The following ADGRD1 variants were observed in gnomAD, a reference collection of about 807,000 sequenced individuals.
The protein encoded by ADGRD1 is G-protein coupled receptor 133.
ADGRD1 carries 77 observed loss-of-function variants against 113.4 expected under a neutral mutation model. That is an observed-to-expected ratio of 0.68 (90% CI 0.57 to 0.82). The LOEUF (loss-of-function observed/expected upper bound fraction) is 0.82, where lower values mean the gene tolerates loss of function less well. Ranked by LOEUF, ADGRD1 falls within the 40% of genes least tolerant of loss-of-function variation. ADGRD1 has a pLI of 0.00. For synonymous variants in ADGRD1, 474 were observed against 475.0 expected (o/e 1.00, Z 0.03); for missense variants, 1,036 against 1,139.1 (o/e 0.91, Z 1.30).
chr12:131,133,350 A>G (rs1349484590), intron 21 of ADGRD1, among the ~76,000 whole-genome samples: 1 of 151,568 alleles, frequency 6.6e-6, no homozygotes, highest in Non-Finnish European at 1.5e-5. Context: ...TTCCATCTCT[A>G]CCCCACTGCG....
intron 15 of ADGRD1, among the ~76,000 whole-genome samples, chr12:131,101,110 C>G (rs1021862621): frequency 1.4e-4 from 22 of 152,072 alleles, no homozygotes; most frequent in Admixed American, 2.6e-4. Flanking sequence ...GACGATGCCC[C>G]ATGAAATGCA....
At chr12:131,044,433 C>T (rs545024709) in intron 13 of ADGRD1, among the ~76,000 whole-genome samples, 18 of 152,264 alleles carry the variant, frequency 1.2e-4, no homozygotes, top group African/African-American at 3.1e-4. Context: ...CTGAGGGGAC[C>T]GGTCCTGGGT....
chr12:131,039,827 T>G (rs183243386), intron 13 of ADGRD1, among the ~76,000 whole-genome samples: 9 of 152,350 alleles, frequency 5.9e-5, no homozygotes, highest in Non-Finnish European at 1.3e-4. Flanking sequence ...TGCAGACATT[T>G]CAAAGCTGGG....
chr12:130,999,350 A>T (rs982640180), intron 8 of ADGRD1, among the ~76,000 whole-genome samples: 12 of 152,244 alleles, frequency 7.9e-5, no homozygotes, highest in Admixed American at 6.5e-4. Flanking sequence ...CACTTTAAGA[A>T]GTTTGCTGCC....
chr12:131,079,252 T>C (rs1157562522), intron 14 of ADGRD1, among the ~76,000 whole-genome samples: 1 of 152,234 alleles, frequency 6.6e-6, no homozygotes, highest in Non-Finnish European at 1.5e-5. Context: ...AGTTTATTTA[T>C]CTTCTCCCGA....
intron 13 of ADGRD1, among the ~76,000 whole-genome samples, chr12:131,054,622 C>T (rs1412192897): frequency 6.6e-6 from 1 of 152,164 alleles, no homozygotes; most frequent in East Asian, 1.9e-4. Flanking sequence ...GTGGTTCTTT[C>T]CCTGTTCTGG....
At chr12:131,012,467 C>T (rs1389607995) in intron 12 of ADGRD1, among the ~76,000 whole-genome samples, 3 of 152,138 alleles carry the variant, frequency 2.0e-5, no homozygotes, top group African/African-American at 7.2e-5. Context: ...TGCAGGAAGT[C>T]GCTTCTGCGG....
At chr12:130,987,646 C>CA in intron 6 of ADGRD1, 1 of 429,426 alleles carries the variant, frequency 2.3e-6, no homozygotes, top group Non-Finnish European at 4.3e-6. Context: ...ATTCCAGATC[C>CA]ATTAGTGTTT....
intron 15 of ADGRD1, among the ~76,000 whole-genome samples, chr12:131,101,460 TCA>T (rs1370310794): frequency 7.7e-6 from 1 of 130,256 alleles, no homozygotes; most frequent in African/African-American, 2.9e-5. Context: ...CGATTTCGGC[TCA>T]CTGCAACCTT....
At chr12:130,973,549 G>A (rs915420125) in intron 4 of ADGRD1, among the ~76,000 whole-genome samples, 7 of 152,164 alleles carry the variant, frequency 4.6e-5, no homozygotes, top group East Asian at 1.9e-4. Context: ...CAGACGGGCC[G>A]TTGTGGTTGA....
chr12:131,137,953 C>A, intron 23 of ADGRD1, 184 bp from the exon 24 acceptor site: 1 of 604,890 alleles, frequency 1.7e-6, no homozygotes, highest in South Asian at 1.8e-5. Flanking sequence ...TGCGATACAA[C>A]CTGGCTCTGC....
At chr12:131,045,426 G>A (rs1882589930) in intron 13 of ADGRD1, among the ~76,000 whole-genome samples, 1 of 152,178 alleles carries the variant, frequency 6.6e-6, no homozygotes. Context: ...CTGTTCACAA[G>A]GGGCTCCAGG....
intron 2 of ADGRD1, among the ~76,000 whole-genome samples, chr12:130,959,181 CTG>C (rs766671215): frequency 6.6e-6 from 1 of 152,260 alleles, no homozygotes; most frequent in African/African-American, 2.4e-5. Flanking sequence ...CCACACCAAA[CTG>C]TAGTATTTTG....
At chr12:130,994,270 A>G (rs1365928103) in intron 8 of ADGRD1, 1 of 451,724 alleles carries the variant, frequency 2.2e-6, no homozygotes, top group South Asian at 1.6e-5. Context: ...GGTATGCAGT[A>G]AGTGCTTTAT....
At chr12:131,137,068 G>A (rs1364175695) in intron 23 of ADGRD1, 54 bp downstream of exon 23, 8 of 1,428,862 alleles carry the variant, frequency 5.6e-6, no homozygotes, top group African/African-American at 1.4e-5. Flanking sequence ...TTTCCTTTCC[G>A]AAAGGTCACA....
intron 13 of ADGRD1, among the ~76,000 whole-genome samples, chr12:131,033,459 C>T (rs974629437): frequency 3.9e-5 from 6 of 152,236 alleles, no homozygotes; most frequent in Non-Finnish European, 8.8e-5. Context: ...CCGCTCAGAG[C>T]GTGGCATGCA....
At chr12:131,016,157 C>T (rs1269764072) in intron 13 of ADGRD1, among the ~76,000 whole-genome samples, 1 of 152,260 alleles carries the variant, frequency 6.6e-6, no homozygotes, top group African/African-American at 2.4e-5. Context: ...AGAAGGGAAC[C>T]TCCCTCCACG....
chr12:131,056,274 G>A (rs1010404295), intron 13 of ADGRD1, among the ~76,000 whole-genome samples: 10 of 152,238 alleles, frequency 6.6e-5, no homozygotes, highest in Non-Finnish European at 1.3e-4. Context: ...AATCCAGGAG[G>A]AAAGTTTGCC....
intron 18 of ADGRD1, among the ~76,000 whole-genome samples, chr12:131,112,061 C>G (rs891102259): frequency 3.2e-4 from 48 of 152,052 alleles, no homozygotes; most frequent in African/African-American, 1.2e-3. Context: ...TTGTAGCCAC[C>G]CTTGATTCTG....
Sources: gnomAD v4.1 joint callset for allele counts (sites outside exome capture counted in the v4.1 genomes callset) on GRCh38, gnomAD v4.1.1 for gene constraint, MANE v1.5 for transcripts, NCBI Gene and HGNC (gene_info 2026-07-23, HGNC 2026-07-21) for gene names.